The following KCTD9 variants were observed in gnomAD, a reference collection of about 807,000 sequenced individuals.
KCTD9 encodes potassium channel tetramerization domain containing 9.
Under a neutral mutation model 53.3 loss-of-function variants are expected in KCTD9, and 17 were observed. That is an observed-to-expected ratio of 0.32 (90% confidence interval 0.22 to 0.48). KCTD9 has a LOEUF of 0.48. Ranked by LOEUF, KCTD9 falls within the 20% of genes least tolerant of loss-of-function variation. KCTD9 has a pLI of 0.99. For synonymous variants in KCTD9, 128 were observed against 162.7 expected (o/e 0.79, Z 1.62); for missense variants, 179 against 465.5 (o/e 0.38, Z 5.66).
intron 8 of KCTD9, among the ~76,000 whole-genome samples, chr8:25,435,796 C>G (rs372564816): frequency 7.5e-4 from 114 of 152,214 alleles, no homozygotes; most frequent in African/African-American, 2.6e-3. Flanking sequence ...TAGTCCTATA[C>G]CTGCTAATAA....
Position 25,439,405 on chromosome 8 carries a change from C to T in KCTD9, c.373G>A (p.Val125Ile). Residue 125 changes from valine (V) to isoleucine (I), a missense_variant and splice_region_variant, in exon 6 of 12, where the codon GTC becomes ATC. By Grantham distance (29) the Val-to-Ile change is conservative (BLOSUM62 3). Coordinates refer to ENST00000221200, the MANE Select transcript of KCTD9 (RefSeq NM_017634.4). ...CTATGATCTTGCTTATTTCCCCAGA[C>T]ACCTGTGTCACCATTATAATAAAGA... ...MLAHMFKDKG[V>I]WGNKQDHRGA... 6.2e-7 allele frequency: 1 copy of T among 1,604,512 alleles called. No individual in the cohort carries two copies. Among genetic ancestry groups the T allele is most frequent in the Admixed American group, 1.7e-5 (1 of 57,840 alleles).
chr8:25,443,838 G>A (rs1802166325), intron 3 of KCTD9, among the ~76,000 whole-genome samples: 1 of 152,136 alleles, frequency 6.6e-6, no homozygotes, highest in Non-Finnish European at 1.5e-5. Flanking sequence ...GGTAGTGTGT[G>A]TGCACACCTG....
intron 11 of KCTD9, among the ~76,000 whole-genome samples, chr8:25,431,535 T>C (rs904508778): frequency 3.3e-5 from 5 of 152,032 alleles, no homozygotes; most frequent in Admixed American, 6.6e-5. Flanking sequence ...CTCCCCTCAA[T>C]AGTCAACCTG....
Position 25,458,261 on chromosome 8 carries a change from T to A in KCTD9, c.-15A>T, listed in dbSNP as rs1283721426. ...ACCCGCCTCATCGCGCTGCCCCCGCTGGGTCCTGAGTGAGCCGCCACCCTC... is the reference window on the plus strand; with the variant it reads ...ACCCGCCTCATCGCGCTGCCCCCGCAGGGTCCTGAGTGAGCCGCCACCCTC... On this transcript the variant is annotated 5_prime_UTR_variant, in exon 1 of 12. Coordinates refer to ENST00000221200, the MANE Select transcript of KCTD9 (RefSeq NM_017634.4). 1 of 1,598,094 alleles carries A rather than the reference T, an allele frequency of 6.3e-7. No individual in the cohort carries two copies. Among genetic ancestry groups the A allele is most frequent in the Non-Finnish European group, 8.5e-7 (1 of 1,172,726 alleles).
chr8:25,447,050 G>A (rs920301199), intron 1 of KCTD9, among the ~76,000 whole-genome samples: 3 of 152,202 alleles, frequency 2.0e-5, no homozygotes, highest in Admixed American at 2.0e-4. Context: ...CAGCGACTGA[G>A]TTGTGCAGTT....
chr8:25,449,583 G>GATGA (rs1379976019), intron 1 of KCTD9, among the ~76,000 whole-genome samples: 1 of 152,020 alleles, frequency 6.6e-6, no homozygotes, highest in Non-Finnish European at 1.5e-5. Context: ...ATTGTCTTCC[G>GATGA]ATGAAAATAA....
At chr8:25,457,278 C>G (rs1371007864) in intron 1 of KCTD9, 1 of 795,608 alleles carries the variant, frequency 1.3e-6, no homozygotes, top group Non-Finnish European at 1.5e-6. Flanking sequence ...GCAACCAACA[C>G]AGCGAGACCC....
At chr8:25,447,563 G>A (rs1802237413) in intron 1 of KCTD9, among the ~76,000 whole-genome samples, 1 of 152,170 alleles carries the variant, frequency 6.6e-6, no homozygotes, top group African/African-American at 2.4e-5. Context: ...AATAAATACA[G>A]TAAATGGAGG....
chr8:25,444,226 A>G (rs1037897879), intron 3 of KCTD9, 66 bp downstream of exon 3: 1 of 1,281,594 alleles, frequency 7.8e-7, no homozygotes, highest in African/African-American at 1.6e-5. Context: ...CCCCATTTAA[A>G]ATAATTGTCA....
At chr8:25,434,631 G>T (rs967109699) in intron 9 of KCTD9, among the ~76,000 whole-genome samples, 1 of 151,994 alleles carries the variant, frequency 6.6e-6, no homozygotes, top group Non-Finnish European at 1.5e-5. Context: ...TTTGTTACTC[G>T]CCCTGATACA....
At chr8:25,453,539 C>T (rs1468023496) in intron 1 of KCTD9, among the ~76,000 whole-genome samples, 2 of 148,396 alleles carry the variant, frequency 1.3e-5, no homozygotes, top group Admixed American at 6.7e-5. Flanking sequence ...TGTAATCCCA[C>T]CTACTTGGGA....
At chr8:25,443,303 G>C (rs1563248002) in intron 3 of KCTD9, among the ~76,000 whole-genome samples, 1 of 152,070 alleles carries the variant, frequency 6.6e-6, no homozygotes, top group Admixed American at 6.6e-5. Flanking sequence ...AAGGTTTTAA[G>C]ATGAACACCA....
intron 9 of KCTD9, among the ~76,000 whole-genome samples, chr8:25,435,129 A>G (rs1369883898): frequency 6.6e-6 from 1 of 152,198 alleles, no homozygotes; most frequent in African/African-American, 2.4e-5. Context: ...CCAAGATTTA[A>G]TTTCTTATTA....
intron 9 of KCTD9, among the ~76,000 whole-genome samples, chr8:25,434,540 C>A (rs1437133307): frequency 4.6e-5 from 7 of 152,030 alleles, no homozygotes; most frequent in Admixed American, 2.0e-4. Flanking sequence ...AGTCTTTTTC[C>A]TGTTTTGCTA....
chr8:25,430,054 G>A (rs1218652805), intron 11 of KCTD9, 81 bp from the exon 12 acceptor site: 2 of 811,776 alleles, frequency 2.5e-6, no homozygotes, highest in Non-Finnish European at 4.3e-6. Context: ...GATTTCTGGG[G>A]CAGATTAGGA....
At chr8:25,445,671 A>G (rs1802202278) in intron 2 of KCTD9, among the ~76,000 whole-genome samples, 1 of 152,120 alleles carries the variant, frequency 6.6e-6, no homozygotes, top group South Asian at 2.1e-4. Context: ...TAAGCCTATA[A>G]TTATGGTGGA....
In KCTD9 at chr8:25,429,289, T is replaced by G. The variant is rs1801888156; in HGVS notation, c.*568A>C. 6.5e-6 allele frequency: 1 copy of G among 152,786 alleles called. No homozygotes were observed. Among genetic ancestry groups the G allele is most frequent in the South Asian group, 2.1e-4 (1 of 4,838 alleles). 9.5% of individuals were successfully genotyped at this position (152,786 alleles called of 1,614,324 possible). A position where few individuals can be genotyped will look rare whatever the true frequency, so the allele number is the denominator to read the frequency against. ...TCCTAAAAAGTAAACATTATAAAAA[T>G]GAACCTGAAAAGAGTCTTAGGGAGT... is the stretch of plus-strand genomic sequence containing the variant. On this transcript the variant is annotated 3_prime_UTR_variant, in exon 12 of 12. Coordinates refer to ENST00000221200, the MANE Select transcript of KCTD9 (RefSeq NM_017634.4).
At chr8:25,441,923 G>C (rs1198170399) in intron 3 of KCTD9, among the ~76,000 whole-genome samples, 1 of 152,090 alleles carries the variant, frequency 6.6e-6, no homozygotes. Context: ...AGGATCACTT[G>C]AACCCAGGAG....
chr8:25,430,509 G>C (rs7009732), intron 11 of KCTD9, among the ~76,000 whole-genome samples: 82,757 of 152,050 alleles, frequency 0.54, 24,213 homozygotes, highest in Middle Eastern at 0.65. Context: ...AGAATCTAAT[G>C]CCTGATGATC....
Sources: gnomAD v4.1 joint callset for allele counts (sites outside exome capture counted in the v4.1 genomes callset) on GRCh38, gnomAD v4.1.1 for gene constraint, MANE v1.5 for transcripts, NCBI Gene and HGNC (gene_info 2026-07-23, HGNC 2026-07-21) for gene names.